Variants in DNAH6 observed in about 807,000 individuals in gnomAD.
DNAH6 encodes dynein axonemal heavy chain 6.
In DNAH6, 340 loss-of-function variants were observed where a neutral mutation model predicts 491.4. The observed-to-expected ratio is 0.69, with a 90% CI of 0.63 to 0.76. The LOEUF is 0.76. Ranked by LOEUF, DNAH6 falls within the 30% of genes least tolerant of loss-of-function variation. The probability of loss-of-function intolerance (pLI) is 0.00; values close to 1 mark genes in which losing one functional copy is unlikely to be tolerated. For missense variants in DNAH6, 4,443 were observed against 4,972.2 expected (o/e 0.89, Z 3.20); for synonymous variants, 1,603 against 1,686.1 (o/e 0.95, Z 1.21).
intron 56 of DNAH6, 148 bp from the exon 57 acceptor site, chr2:84,712,947 A>G: frequency 1.5e-6 from 1 of 673,360 alleles, no homozygotes; most frequent in South Asian, 2.1e-5. Flanking sequence ...TGTTAGAGGT[A>G]GTGTGAGGAT....
At chr2:84,560,164 T>C (rs1680494968) in intron 11 of DNAH6, among the ~76,000 whole-genome samples, 1 of 152,114 alleles carries the variant, frequency 6.6e-6, no homozygotes, top group Admixed American at 6.5e-5. Context: ...AATCTGTGTA[T>C]TGAAAGGGCC....
At chr2:84,715,164 C>A (rs920296628) in intron 57 of DNAH6, among the ~76,000 whole-genome samples, 1 of 151,998 alleles carries the variant, frequency 6.6e-6, no homozygotes, top group African/African-American at 2.4e-5. Flanking sequence ...CTATAATTAT[C>A]CAAATTTTTA....
the DNAH6 span, among the ~76,000 whole-genome samples, chr2:84,505,953 A>T: frequency 9.2e-5 from 14 of 152,230 alleles, no homozygotes; most frequent in African/African-American, 2.9e-4. Context: ...TAATCCAGTC[A>T]ATCATTGTTG....
intron 66 of DNAH6, among the ~76,000 whole-genome samples, chr2:84,785,289 G>A (rs1034188312): frequency 2.0e-5 from 3 of 152,198 alleles, no homozygotes; most frequent in Admixed American, 6.5e-5. Context: ...ATGTAGGGAT[G>A]ATGCAAAATT....
chr2:84,592,260 A>C (rs6720466), intron 16 of DNAH6, among the ~76,000 whole-genome samples: 1 of 151,962 alleles, frequency 6.6e-6, no homozygotes, highest in South Asian at 2.1e-4. Context: ...CAAAAAAAAA[A>C]CCCAAATTTT....
intron 2 of DNAH6, among the ~76,000 whole-genome samples, chr2:84,523,015 T>C (rs1045179010): frequency 6.6e-6 from 1 of 152,162 alleles, no homozygotes; most frequent in Non-Finnish European, 1.5e-5. Flanking sequence ...CTTCCTCATT[T>C]TTTTTAGAAT....
At chr2:84,722,913 TC>T in intron 60 of DNAH6, 109 bp downstream of exon 60, 1 of 697,542 alleles carries the variant, frequency 1.4e-6, no homozygotes, top group Non-Finnish European at 2.2e-6. Flanking sequence ...AGGTAAAATC[TC>T]CCAGGTGCAT....
At chr2:84,515,630 T>C (rs551690323), upstream of DNAH6, among the ~76,000 whole-genome samples, 123 of 152,144 alleles carry the variant, frequency 8.1e-4, 4 homozygotes, top group South Asian at 0.025. Flanking sequence ...AAAATGATGA[T>C]TATGTCATTT....
At position 84,762,468 on chromosome 2, in the gene DNAH6, G is replaced by A. The variant is rs527239940; in HGVS notation, c.10513-287G>A. Among the ~76,000 whole-genome samples the A allele has an allele frequency of 1.1e-4, 17 of 152,298 alleles. No homozygotes were observed. The South Asian group carries it at 3.5e-3, about 32-fold the overall frequency. Reference sequence around the variant, plus strand: ...CACAAGAATGTGAAACAGGACAGAAGAAGCAAGGAAGGGGAGACAGCAGCT... The same window carrying A: ...CACAAGAATGTGAAACAGGACAGAAAAAGCAAGGAAGGGGAGACAGCAGCT... On this transcript the variant is annotated intron_variant, in intron 63 of 76. Transcript: ENST00000389394.
chr2:84,492,401 T>G, the DNAH6 span, among the ~76,000 whole-genome samples: 1 of 152,212 alleles, frequency 6.6e-6, no homozygotes. Context: ...ACCAACCCCC[T>G]TGTTTCAACC....
At chr2:84,562,257 AAG>A (rs1680759447) in intron 11 of DNAH6, among the ~76,000 whole-genome samples, 1 of 152,174 alleles carries the variant, frequency 6.6e-6, no homozygotes, top group South Asian at 2.1e-4. Flanking sequence ...CAGAGAAAGA[AAG>A]AAAGAAGCAC....
At chr2:84,530,683 C>T (rs1411420617) in intron 4 of DNAH6, among the ~76,000 whole-genome samples, 2 of 152,134 alleles carry the variant, frequency 1.3e-5, no homozygotes, top group Non-Finnish European at 2.9e-5. Flanking sequence ...GCCGTAGTTA[C>T]TCAGGGGAGA....
At chr2:84,705,455 G>T in intron 51 of DNAH6, 31 bp from the exon 52 acceptor site, 1 of 1,494,160 alleles carries the variant, frequency 6.7e-7, no homozygotes, top group South Asian at 1.3e-5. Flanking sequence ...CTTCATTTCA[G>T]TGCCATTAAT....
chr2:84,465,247 G>A, the DNAH6 span, among the ~76,000 whole-genome samples: 1 of 152,208 alleles, frequency 6.6e-6, no homozygotes. Flanking sequence ...TGTAATCCCA[G>A]CACTTTGGGA....
intron 29 of DNAH6, among the ~76,000 whole-genome samples, chr2:84,629,115 T>G (rs558515295): frequency 6.6e-6 from 1 of 152,338 alleles, no homozygotes; most frequent in South Asian, 2.1e-4. Context: ...ATTTTTTTAA[T>G]TCGTTTTCAC....
At chr2:84,526,765 G>C (rs1297395003) in intron 3 of DNAH6, among the ~76,000 whole-genome samples, 1 of 152,150 alleles carries the variant, frequency 6.6e-6, no homozygotes, top group Non-Finnish European at 1.5e-5. Flanking sequence ...AGTTACTATG[G>C]TGTCTGTGAA....
At chr2:84,521,921 T>C (rs1676183427) in intron 2 of DNAH6, among the ~76,000 whole-genome samples, 1 of 152,152 alleles carries the variant, frequency 6.6e-6, no homozygotes, top group South Asian at 2.1e-4. Context: ...CCTCCAGTGT[T>C]CTTCTTTATG....
intron 63 of DNAH6, among the ~76,000 whole-genome samples, chr2:84,747,402 T>C (rs1673065370): frequency 6.6e-6 from 1 of 152,134 alleles, no homozygotes; most frequent in African/African-American, 2.4e-5. Flanking sequence ...TCCATGCAAG[T>C]CTGAAACCCA....
intron 2 of DNAH6, among the ~76,000 whole-genome samples, chr2:84,522,831 G>T (rs1676273674): frequency 6.6e-6 from 1 of 152,116 alleles, no homozygotes; most frequent in Admixed American, 6.6e-5. Context: ...GATCATGATG[G>T]ATTAGTTTTT....
Sources: allele counts gnomAD v4.1 joint callset (sites outside exome capture counted in the v4.1 genomes callset), GRCh38; gene constraint gnomAD v4.1.1; transcripts MANE v1.5; gene names NCBI Gene and HGNC (gene_info 2026-07-23, HGNC 2026-07-21).